KLHDC4: variants seen among roughly 807,000 people sequenced by gnomAD.
The protein encoded by KLHDC4 is kelch domain containing 4.
Under a neutral mutation model 62.4 loss-of-function variants are expected in KLHDC4, and 90 were observed. The observed-to-expected ratio is 1.44, with a 90% CI of 1.22 to 1.72. The LOEUF is 1.72. Among genes scored for constraint, KLHDC4 ranks in the 40% most tolerant of loss-of-function variants. The probability of loss-of-function intolerance (pLI) is 0.00; values close to 1 mark genes in which losing one functional copy is unlikely to be tolerated. For synonymous variants in KLHDC4, 386 were observed against 284.4 expected (o/e 1.36, Z -3.59); for missense variants, 1,025 against 699.7 (o/e 1.47, Z -5.25).
exon 1 of KLHDC4, chr16:87,702,293 G>A (rs1264929330): frequency 8.8e-6 from 4 of 456,338 alleles, no homozygotes; most frequent in Non-Finnish European, 1.8e-5. Context: ...GGCAAGGAGG[G>A]CCGGTCTGCC....
Position 87,746,577 on chromosome 16 carries a change from C to A in KLHDC4, c.506+2096G>T, listed in dbSNP as rs547759743. On this transcript the variant is annotated intron_variant, in intron 5 of 11. Coordinates refer to ENST00000270583, the MANE Select transcript of KLHDC4 (RefSeq NM_017566.4). ...GCAAACGTCTCAAAGCAATGCTCCG[C>A]GAGGTATCTCTGTTCATCCCCCACA... Among the ~76,000 whole-genome samples, 7 of 152,270 alleles carry A rather than the reference C, an allele frequency of 4.6e-5. 1 individual carries two copies. In the South Asian group the frequency reaches 1.5e-3, roughly 32 times the overall value.
At chr16:87,749,997 G>A (rs1026022185) in intron 4 of KLHDC4, among the ~76,000 whole-genome samples, 2 of 152,160 alleles carry the variant, frequency 1.3e-5, no homozygotes, top group Admixed American at 1.3e-4. Context: ...AGGGGATGCT[G>A]AGGAGAGAGC....
chr16:87,737,608 G>A (rs900108980), intron 5 of KLHDC4, among the ~76,000 whole-genome samples: 1 of 89,552 alleles, frequency 1.1e-5, no homozygotes, highest in Non-Finnish European at 2.2e-5. Flanking sequence ...TTTTTTTTTT[G>A]AGACAGTCTC....
chr16:87,710,536 G>A (rs1305103868), intron 9 of KLHDC4: 3 of 152,280 alleles, frequency 2.0e-5, no homozygotes, highest in African/African-American at 4.8e-5. Context: ...GACACTAGCT[G>A]GGGTCAACAC....
At position 87,709,608 on chromosome 16, in the gene KLHDC4, A is replaced by G. The variant is rs774535181; in HGVS notation, c.1104T>C (p.Gly368=). 3 of 1,610,768 alleles carry G rather than the reference A, an allele frequency of 1.9e-6. No individual in the cohort carries two copies. Among genetic ancestry groups the G allele is most frequent in the Non-Finnish European group, 2.5e-6 (3 of 1,178,704 alleles). The part of the protein sequence containing the change: ...RRGRKEEPEG[G]SRPACGGAGT... ...CAGCTCCCCCACACGCCGGCCTGCT[A>G]CCACCTTCGGGCTCCTCTTTTCTGC... The change falls in exon 10 of 12, where the codon GGT becomes GGC. Residue 368 remains glycine, a synonymous_variant. Coordinates refer to ENST00000270583, the MANE Select transcript of KLHDC4 (RefSeq NM_017566.4).
chr16:87,734,257 T>A (rs529428680), intron 5 of KLHDC4, among the ~76,000 whole-genome samples: 1 of 151,488 alleles, frequency 6.6e-6, no homozygotes, highest in African/African-American at 2.4e-5. Flanking sequence ...GGCAGGAGAA[T>A]TGCTTGAACC....
chr16:87,705,714 GAGGGAAGAAAGAACCGGCCACAC>G (rs1347296951), downstream of KLHDC4, among the ~76,000 whole-genome samples: 1 of 152,174 alleles, frequency 6.6e-6, no homozygotes, highest in Non-Finnish European at 1.5e-5. Flanking sequence ...CCAAGAGCAG[GAGGGAAGAAAGAACCGGCCACAC>G]AATGGCGTCC....
intron 8 of KLHDC4, among the ~76,000 whole-genome samples, chr16:87,714,057 G>A (rs2036431665): frequency 6.6e-6 from 1 of 152,140 alleles, no homozygotes; most frequent in Admixed American, 6.5e-5. Context: ...CACCCAGCCT[G>A]CCCAGCTGCT....
chr16:87,706,155 G>A (rs1431756654), downstream of KLHDC4, among the ~76,000 whole-genome samples: 2 of 116,132 alleles, frequency 1.7e-5, no homozygotes, highest in African/African-American at 6.5e-5. Context: ...GGGGGTCAGC[G>A]TAATGCAAAC....
downstream of KLHDC4, chr16:87,703,498 G>A (rs1361859002): frequency 1.3e-5 from 2 of 152,322 alleles, no homozygotes; most frequent in Admixed American, 6.5e-5. Context: ...GAGTGCACAG[G>A]CGGTTTTTAA....
intron 10 of KLHDC4, 87 bp from the exon 11 acceptor site, chr16:87,708,553 G>A: frequency 2.3e-6 from 2 of 875,850 alleles, no homozygotes; most frequent in Non-Finnish European, 3.3e-6. Flanking sequence ...TACGTCCTGG[G>A]GGGATTCCAT....
At chr16:87,704,801 C>G (rs1031112593), downstream of KLHDC4, among the ~76,000 whole-genome samples, 7 of 152,204 alleles carry the variant, frequency 4.6e-5, no homozygotes, top group Admixed American at 1.3e-4. Context: ...AATTTCTAAG[C>G]TCAATGGGTG....
chr16:87,713,846 G>C (rs1236171586), intron 8 of KLHDC4, among the ~76,000 whole-genome samples: 1 of 152,222 alleles, frequency 6.6e-6, no homozygotes, highest in Non-Finnish European at 1.5e-5. Flanking sequence ...GCTTTAGTAA[G>C]AAAATTTTGA....
chr16:87,730,983 A>ACT (rs2040249472), intron 5 of KLHDC4: 1 of 171,764 alleles, frequency 5.8e-6, no homozygotes, highest in South Asian at 1.2e-4. Context: ...CAAGCAACAG[A>ACT]CAGAGAAATA....
chr16:87,726,739 G>A (rs530486995), intron 7 of KLHDC4, 26 bp downstream of exon 7: 2 of 1,425,622 alleles, frequency 1.4e-6, no homozygotes, highest in South Asian at 1.5e-5. Context: ...CCCACGCCTT[G>A]CCTGTTTCCC....
chr16:87,700,832 TGGAGGGC>T, exon 1 of KLHDC4: 1 of 74,690 alleles, frequency 1.3e-5, no homozygotes, highest in East Asian at 4.8e-4. Flanking sequence ...GGGAGGAGGT[TGGAGGGC>T]GGAGGGAGGA....
intron 4 of KLHDC4, among the ~76,000 whole-genome samples, chr16:87,753,834 G>T (rs1041560135): frequency 4.0e-5 from 6 of 151,350 alleles, no homozygotes; most frequent in Admixed American, 2.0e-4. Flanking sequence ...TTAGCCAAGC[G>T]TGGTGGCGGG....
At chr16:87,736,059 T>C (rs1461092822) in intron 5 of KLHDC4, among the ~76,000 whole-genome samples, 1 of 152,216 alleles carries the variant, frequency 6.6e-6, no homozygotes, top group Non-Finnish European at 1.5e-5. Context: ...AGTCACGCAC[T>C]GCTTAATGAC....
chr16:87,765,928 G>C lies in KLHDC4; in HGVS notation c.-38C>G, dbSNP rs755296491. The C allele has an allele frequency of 1.3e-5, 20 of 1,536,052 alleles. No individual in the cohort carries two copies. Among genetic ancestry groups the C allele is most frequent in the South Asian group, 9.6e-5 (8 of 83,746 alleles). On this transcript the variant is annotated 5_prime_UTR_variant, in exon 1 of 12. Transcript: ENST00000270583. ...CAAGCCGCGACGGGACACCAGGAAA[G>C]AAAACGGCCCGCGCTCTCCGCTCGG...
Sources: allele counts gnomAD v4.1 joint callset (sites outside exome capture counted in the v4.1 genomes callset), GRCh38; gene constraint gnomAD v4.1.1; transcripts MANE v1.5; gene names NCBI Gene and HGNC (gene_info 2026-07-23, HGNC 2026-07-21).